Variants in STX17 observed in about 807,000 individuals in gnomAD.
STX17 encodes syntaxin-17.
A neutral mutation model predicts 35.9 loss-of-function variants in STX17; 29 were observed. The observed-to-expected ratio is 0.81, with a 90% CI of 0.60 to 1.10. The LOEUF is 1.10. STX17 is among the 50% of genes least tolerant of loss of function. The pLI, the probability that STX17 is intolerant of heterozygous loss-of-function variation, is 0.00. For synonymous variants in STX17, 92 were observed against 118.3 expected (o/e 0.78, Z 1.44); for missense variants, 312 against 352.3 (o/e 0.89, Z 0.92).
intron 1 of STX17, chr9:99,914,290 G>A (rs1486892356): frequency 6.6e-6 from 1 of 152,170 alleles, no homozygotes; most frequent in Non-Finnish European, 1.5e-5. Flanking sequence ...GTACAATGGT[G>A]GCTTTCAAGC....
chr9:99,929,407 A>G (rs1829062911), intron 3 of STX17, among the ~76,000 whole-genome samples: 1 of 151,732 alleles, frequency 6.6e-6, no homozygotes, highest in Non-Finnish European at 1.5e-5. Flanking sequence ...TTTTAACATA[A>G]TTTTTAAAAA....
intron 2 of STX17, among the ~76,000 whole-genome samples, chr9:99,922,293 T>G (rs1828905093): frequency 6.6e-6 from 1 of 152,146 alleles, no homozygotes; most frequent in Non-Finnish European, 1.5e-5. Context: ...GTGACCATAT[T>G]TGGTGAGAGT....
intron 4 of STX17, among the ~76,000 whole-genome samples, chr9:99,952,659 G>A (rs1356076832): frequency 1.7e-4 from 26 of 152,052 alleles, no homozygotes; most frequent in African/African-American, 6.0e-4. Flanking sequence ...GACTGGATTA[G>A]GAAAATGTGG....
At chr9:99,945,694 A>T in intron 3 of STX17, 1 of 373,090 alleles carries the variant, frequency 2.7e-6, no homozygotes, top group Admixed American at 3.4e-5. Context: ...GTTTTTTTTA[A>T]TTTATCTAAT....
At chr9:99,967,176 A>G (rs1189394601) in intron 6 of STX17, 1 of 163,044 alleles carries the variant, frequency 6.1e-6, no homozygotes, top group Non-Finnish European at 1.4e-5. Flanking sequence ...TTCCTGAAAC[A>G]TAACAATTTG....
intron 3 of STX17, among the ~76,000 whole-genome samples, chr9:99,934,094 A>G (rs747350786): frequency 2.0e-5 from 3 of 152,206 alleles, no homozygotes. Flanking sequence ...TAAATGATAT[A>G]GTACCTGCTA....
At chr9:99,923,810 C>T (rs1219149534) in intron 2 of STX17, among the ~76,000 whole-genome samples, 3 of 152,138 alleles carry the variant, frequency 2.0e-5, no homozygotes, top group Non-Finnish European at 4.4e-5. Context: ...TCACAGAACT[C>T]AGGGAGACAA....
At chr9:99,950,075 C>A (rs940048273) in intron 3 of STX17, among the ~76,000 whole-genome samples, 1 of 151,924 alleles carries the variant, frequency 6.6e-6, no homozygotes, top group Middle Eastern at 3.4e-3. Context: ...ATAAAGATGA[C>A]TCTACACTAC....
rs1829961475 is a variant in STX17, at chr9:99,968,453, CAG to C, written c.690_691del (p.Ala231SerfsTer67). On this transcript the variant is annotated frameshift_variant, in exon 8 of 8. Transcript: ENST00000259400. LOFTEE classifies it high-confidence loss of function. Reference sequence around the variant, plus strand: ...TTACAGGCTGCAAAATACAAGCTGGCAGCTCTGCCTGTGGCAGGTGCACTCAT... The same window carrying C: ...TTACAGGCTGCAAAATACAAGCTGGCCTCTGCCTGTGGCAGGTGCACTCAT... 6.5e-7 allele frequency: 1 copy of C among 1,536,910 alleles called. No individual in the cohort carries two copies. Among genetic ancestry groups the C allele is most frequent in the Non-Finnish European group, 8.7e-7 (1 of 1,144,576 alleles).
intron 4 of STX17, among the ~76,000 whole-genome samples, chr9:99,955,568 GT>G (rs1318790207): frequency 6.6e-6 from 1 of 152,004 alleles, no homozygotes; most frequent in Admixed American, 6.6e-5. Flanking sequence ...TGTGGTAAAG[GT>G]TAGTGGAAAT....
rs1364154250 is a variant in STX17, at chr9:99,972,429, T to A, written c.*3756T>A. On this transcript the variant is annotated 3_prime_UTR_variant, in exon 8 of 8. Coordinates refer to ENST00000259400, the MANE Select transcript of STX17 (RefSeq NM_017919.3). ...CAATTTTGAAACTGTTCTTTCAGAA[T>A]TGCCTCCAAAGACATTTTGCAGATC... Among the ~76,000 whole-genome samples the A allele has an allele frequency of 1.3e-5, 2 of 152,216 alleles. No homozygotes were observed. Among genetic ancestry groups the A allele is most frequent in the Non-Finnish European group, 2.9e-5 (2 of 68,038 alleles).
At chr9:99,959,661 CTG>C (rs1414545670) in intron 4 of STX17, among the ~76,000 whole-genome samples, 3 of 151,958 alleles carry the variant, frequency 2.0e-5, no homozygotes, top group Non-Finnish European at 4.4e-5. Context: ...AGGTCTCACT[CTG>C]TTGCCCAGAC....
chr9:99,970,584 G>C lies in STX17; in HGVS notation c.*1911G>C, dbSNP rs1480519686. ...CTCACCCAGGCACATACTAAAGCAA[G>C]ATTCCTAAACCTCAGTTCCAGGGGT... On this transcript the variant is annotated 3_prime_UTR_variant, in exon 8 of 8. Transcript: ENST00000259400. Among the ~76,000 whole-genome samples the C allele has an allele frequency of 6.6e-6, 1 of 152,172 alleles. No individual in the cohort carries two copies. The highest frequency in any genetic ancestry group is 1.9e-4 in the East Asian group (1 of 5,202).
At chr9:99,955,069 T>C (rs1276757204) in intron 4 of STX17, among the ~76,000 whole-genome samples, 2 of 152,098 alleles carry the variant, frequency 1.3e-5, no homozygotes, top group African/African-American at 4.8e-5. Flanking sequence ...AGCCTCCAAA[T>C]CTGATTTGTA....
intron 2 of STX17, among the ~76,000 whole-genome samples, chr9:99,921,752 C>T (rs1449060956): frequency 2.0e-5 from 3 of 151,896 alleles, no homozygotes; most frequent in Non-Finnish European, 2.9e-5. Flanking sequence ...TGCAGTTCTT[C>T]ATAGATAAGC....
chr9:99,956,070 G>C (rs1349729437), intron 4 of STX17, among the ~76,000 whole-genome samples: 2 of 152,170 alleles, frequency 1.3e-5, no homozygotes, highest in Non-Finnish European at 2.9e-5. Flanking sequence ...GACTTGAATT[G>C]ATTAGCGAGG....
intron 2 of STX17, among the ~76,000 whole-genome samples, chr9:99,922,490 A>G (rs1828908465): frequency 6.6e-6 from 1 of 152,226 alleles, no homozygotes; most frequent in Admixed American, 6.5e-5. Context: ...TCAAACTATA[A>G]CAACCTAGAA....
chr9:99,950,329 T>G (rs567148726), intron 3 of STX17, among the ~76,000 whole-genome samples: 1 of 152,038 alleles, frequency 6.6e-6, no homozygotes, highest in South Asian at 2.1e-4. Context: ...CAACAATAGC[T>G]TCTGAAATAA....
chr9:99,929,630 TCTAGGTTC>T (rs934778601), intron 3 of STX17, among the ~76,000 whole-genome samples: 7 of 151,582 alleles, frequency 4.6e-5, no homozygotes, highest in African/African-American at 1.7e-4. Context: ...TAGGTGGAGC[TCTAGGTTC>T]CTACCTTGCT....
Sources: allele counts gnomAD v4.1 joint callset (sites outside exome capture counted in the v4.1 genomes callset), GRCh38; gene constraint gnomAD v4.1.1; transcripts MANE v1.5; gene names NCBI Gene and HGNC (gene_info 2026-07-23, HGNC 2026-07-21).